The following MINDY3 variants were observed in gnomAD, a reference collection of about 807,000 sequenced individuals.
MINDY3 encodes the protein MINDY lysine 48 deubiquitinase 3.
Under a neutral mutation model 69.2 loss-of-function variants are expected in MINDY3, and 38 were observed. The observed-to-expected ratio is 0.55, with a 90% confidence interval of 0.42 to 0.72. The LOEUF is 0.72. MINDY3 is among the 30% of genes least tolerant of loss of function. MINDY3 has a pLI of 0.00. For synonymous variants in MINDY3, 192 were observed against 180.1 expected (o/e 1.07, Z -0.53); for missense variants, 522 against 519.0 (o/e 1.01, Z -0.06).
At chr10:15,841,189 C>T (rs1291230639) in intron 4 of MINDY3, among the ~76,000 whole-genome samples, 1 of 150,734 alleles carries the variant, frequency 6.6e-6, no homozygotes, top group Non-Finnish European at 1.5e-5. Flanking sequence ...CAGAAGTTAA[C>T]CAGAACATTT....
At chr10:15,788,281 T>C (rs751910534) in intron 12 of MINDY3, among the ~76,000 whole-genome samples, 1 of 152,106 alleles carries the variant, frequency 6.6e-6, no homozygotes, top group Non-Finnish European at 1.5e-5. Flanking sequence ...TTGAAAACAA[T>C]TATTCATTTA....
intron 2 of MINDY3, among the ~76,000 whole-genome samples, chr10:15,843,953 A>C (rs548066680): frequency 6.6e-6 from 1 of 152,198 alleles, no homozygotes; most frequent in East Asian, 1.9e-4. Flanking sequence ...ATTCTCTCTG[A>C]ATCTCTAGAG....
chr10:15,815,117 T>A (rs1196147061), intron 10 of MINDY3, among the ~76,000 whole-genome samples: 1 of 152,238 alleles, frequency 6.6e-6, no homozygotes, highest in East Asian at 1.9e-4. Context: ...CATTTTTGTG[T>A]GTAAGTCAGA....
intron 3 of MINDY3, among the ~76,000 whole-genome samples, 168 bp downstream of exon 3, chr10:15,843,044 G>A (rs1459928095): frequency 6.6e-6 from 1 of 151,744 alleles, no homozygotes; most frequent in African/African-American, 2.4e-5. Context: ...TGGTTAGAAA[G>A]CCAAATTTGG....
Position 15,843,418 on chromosome 10 carries a change from A to C in MINDY3, c.175-146T>G, listed in dbSNP as rs993805684. 3 of 656,066 alleles carry C rather than the reference A, an allele frequency of 4.6e-6. No individual in the cohort carries two copies. In the African/African-American group the frequency reaches 5.4e-5, roughly 12 times the overall value. 40.6% of individuals were successfully genotyped at this position (656,066 alleles called of 1,614,324 possible). A position where few individuals can be genotyped will look rare whatever the true frequency, so the allele number is the denominator to read the frequency against. On this transcript the variant is annotated intron_variant, in intron 2 of 14. Coordinates refer to ENST00000277632, the MANE Select transcript of MINDY3 (RefSeq NM_024948.4). ...TAAAGATGTCAAATGGGTTCCCCTC[A>C]CATTTGACAGGAACTGTGCAGTTAT... is the stretch of plus-strand genomic sequence containing the variant.
intron 8 of MINDY3, among the ~76,000 whole-genome samples, chr10:15,822,882 C>T (rs1168435604): frequency 6.6e-6 from 1 of 152,082 alleles, no homozygotes; most frequent in African/African-American, 2.4e-5. Context: ...CTTCAGCTAA[C>T]ATACATTAAT....
chr10:15,860,216 G>A lies in MINDY3; in HGVS notation c.84C>T (p.Arg28=). 6.2e-7 allele frequency: 1 copy of A among 1,608,268 alleles called. No homozygotes were observed. Among genetic ancestry groups the A allele is most frequent in the Non-Finnish European group, 8.5e-7 (1 of 1,177,386 alleles). Residue 28 remains arginine (R), a synonymous_variant, in exon 1 of 15, where the codon CGC becomes CGT. Transcript: ENST00000277632. ...SPGLSDTIFC[R]WTQGFVFSES... ...GCCCCGCCAGGGTACCTTGCGTCCA[G>A]CGGCAGAAAATGGTGTCCGAGAGAC...
At chr10:15,823,128 G>A (rs192671951) in intron 8 of MINDY3, among the ~76,000 whole-genome samples, 1 of 152,162 alleles carries the variant, frequency 6.6e-6, no homozygotes, top group Admixed American at 6.5e-5. Context: ...ACATCTAGAT[G>A]GTGTAAGGCA....
intron 8 of MINDY3, among the ~76,000 whole-genome samples, chr10:15,825,013 G>A (rs1280276427): frequency 6.6e-6 from 1 of 152,170 alleles, no homozygotes; most frequent in African/African-American, 2.4e-5. Context: ...GTAATACAGT[G>A]AGGATTTAAT....
At chr10:15,837,681 A>T (rs926930231) in intron 5 of MINDY3, 2 of 1,113,736 alleles carry the variant, frequency 1.8e-6, no homozygotes, top group African/African-American at 3.4e-5. Flanking sequence ...TTTAAATCCT[A>T]GAAATTACTT....
Position 15,850,330 on chromosome 10 carries a change from C to T in MINDY3, c.95-2387G>A, listed in dbSNP as rs145795997. 4.9e-3 allele frequency among the ~76,000 whole-genome samples: 747 copies of T among 152,266 alleles called. 2 individuals are homozygous for T. The highest frequency in any genetic ancestry group is 0.016 in the African/African-American group (675 of 41,566). ...GCACCCAAAAGCAACAGGATGGCTG[C>T]AGTGTTCAGGGAACAAGGGAGATGA... On this transcript the variant is annotated intron_variant, in intron 1 of 14. Transcript: ENST00000277632.
At chr10:15,807,088 C>T (rs574155319) in intron 10 of MINDY3, among the ~76,000 whole-genome samples, 9 of 152,230 alleles carry the variant, frequency 5.9e-5, no homozygotes, top group Middle Eastern at 3.4e-3. Flanking sequence ...CAGATGAAAA[C>T]GGCACGCAGC....
At chr10:15,786,497 G>A (rs1588505669) in intron 13 of MINDY3, 64 bp downstream of exon 13, 14 of 1,003,758 alleles carry the variant, frequency 1.4e-5, no homozygotes, top group Middle Eastern at 2.5e-4. Context: ...AGAAAATGCT[G>A]CAAACAATCA....
intron 4 of MINDY3, among the ~76,000 whole-genome samples, chr10:15,839,639 T>C (rs971865498): frequency 6.6e-6 from 1 of 150,678 alleles, no homozygotes; most frequent in African/African-American, 2.4e-5. Flanking sequence ...GGTGAAAAAA[T>C]ATAAAACACA....
At chr10:15,815,954 A>G (rs557761828) in intron 10 of MINDY3, among the ~76,000 whole-genome samples, 1 of 152,308 alleles carries the variant, frequency 6.6e-6, no homozygotes, top group African/African-American at 2.4e-5. Context: ...GCTTTGTTAT[A>G]AGAATTTTGA....
At chr10:15,845,948 G>A (rs547424544) in intron 2 of MINDY3, among the ~76,000 whole-genome samples, 6 of 149,912 alleles carry the variant, frequency 4.0e-5, no homozygotes, top group Middle Eastern at 3.5e-3. Context: ...TCAGTTTCCC[G>A]AGTAGCTGGG....
intron 1 of MINDY3, among the ~76,000 whole-genome samples, chr10:15,851,597 A>G (rs1298115854): frequency 6.6e-6 from 1 of 151,922 alleles, no homozygotes; most frequent in Non-Finnish European, 1.5e-5. Context: ...TTCAAAACGT[A>G]TCTTTAACGT....
chr10:15,845,611 C>T (rs1245808054), intron 2 of MINDY3, among the ~76,000 whole-genome samples: 1 of 151,806 alleles, frequency 6.6e-6, no homozygotes, highest in Non-Finnish European at 1.5e-5. Flanking sequence ...AGACCCTCCC[C>T]TTCTAGCCTC....
At chr10:15,813,714 C>T (rs940082293) in intron 10 of MINDY3, among the ~76,000 whole-genome samples, 2 of 152,090 alleles carry the variant, frequency 1.3e-5, no homozygotes, top group African/African-American at 4.8e-5. Context: ...CCACCTTCAC[C>T]GCATAAGGCA....
Sources: allele counts gnomAD v4.1 joint callset (sites outside exome capture counted in the v4.1 genomes callset), GRCh38; gene constraint gnomAD v4.1.1; transcripts MANE v1.5; gene names NCBI Gene and HGNC (gene_info 2026-07-23, HGNC 2026-07-21).